Variants in PLCG2 observed in about 807,000 individuals in gnomAD.
PLCG2 encodes 1-phosphatidylinositol 4,5-bisphosphate phosphodiesterase gamma-2.
In PLCG2, 69 loss-of-function variants were observed where a neutral mutation model predicts 175.6. That is an observed-to-expected ratio of 0.39 (90% CI 0.32 to 0.48). PLCG2 has a LOEUF of 0.48. PLCG2 is among the 20% of genes least tolerant of loss of function. The pLI is 0.91. For missense variants in PLCG2, 1,798 were observed against 1,650.9 expected, an observed-to-expected ratio of 1.09 and a Z score of -1.54; for synonymous variants, 827 against 624.0, an observed-to-expected ratio of 1.33 and a Z score of -4.85.
intron 2 of PLCG2, among the ~76,000 whole-genome samples, chr16:81,802,756 G>A (rs1597326895): frequency 1.3e-5 from 2 of 151,624 alleles, no homozygotes; most frequent in South Asian, 4.2e-4. Context: ...TTTTTAGTAG[G>A]GACGGCATTT....
Position 81,879,665 on chromosome 16 carries a change from A to G in PLCG2, c.649-1245A>G, listed in dbSNP as rs982642987. On this transcript the variant is annotated intron_variant, in intron 7 of 32. Transcript: ENST00000564138. The stretch of plus-strand genomic sequence containing the variant: ...GCATTGATCATGTGATAGTGGATAC[A>G]TTTCCCTAAGTGCTTATCCAATCGC... 7.2e-5 allele frequency among the ~76,000 whole-genome samples: 11 copies of G among 152,284 alleles called. No homozygotes were observed. In the East Asian group the frequency reaches 2.1e-3, roughly 29 times the overall value.
chr16:81,792,385 G>A (rs1454521518), intron 2 of PLCG2, among the ~76,000 whole-genome samples: 3 of 145,866 alleles, frequency 2.1e-5, no homozygotes, highest in Non-Finnish European at 3.0e-5. Context: ...GGGAGGCTGA[G>A]GCACAGAATT....
intron 2 of PLCG2, among the ~76,000 whole-genome samples, chr16:81,771,061 A>ATAAATAAAT (rs1024986135): frequency 1.1e-5 from 1 of 89,782 alleles, no homozygotes. Flanking sequence ...CCATCTCAAA[A>ATAAATAAAT]AAAAAAAAAA....
intron 23 of PLCG2, among the ~76,000 whole-genome samples, chr16:81,927,703 G>T (rs532175160): frequency 1.6e-4 from 25 of 152,260 alleles, no homozygotes; most frequent in Middle Eastern, 3.4e-3. Flanking sequence ...TTAAGATCCC[G>T]TTAGACCCCC....
rs1143690 is a variant in PLCG2, at chr16:81,936,242, C to T, written c.2916C>T (p.Val972=). 10,013 of 1,614,092 alleles carry T rather than the reference C, an allele frequency of 6.2e-3. 462 individuals are homozygous for T. The African/African-American group carries it at 0.11, about 18-fold the overall frequency. ...KADSIIRQKP[V]DLLKYNQKGL... ...ACAGCATCATCAGACAGAAGCCCGT[C>T]GACCTCCTGAAGTACAATCAAAAGG... Residue 972 remains valine (V), a synonymous_variant, in exon 27 of 33, where the codon GTC becomes GTT. Coordinates refer to ENST00000564138, the MANE Select transcript of PLCG2 (RefSeq NM_002661.5).
chr16:81,782,192 A>C (rs1910766938), intron 1 of PLCG2, among the ~76,000 whole-genome samples: 1 of 151,880 alleles, frequency 6.6e-6, no homozygotes, highest in Non-Finnish European at 1.5e-5. Context: ...ATGCCTTTCT[A>C]AATAAGCTTA....
At chr16:81,903,487 T>C (rs1429133535) in intron 14 of PLCG2, among the ~76,000 whole-genome samples, 1 of 152,222 alleles carries the variant, frequency 6.6e-6, no homozygotes, top group African/African-American at 2.4e-5. Context: ...GGAGATCAGC[T>C]GTCATTGTCT....
At chr16:81,779,190 G>A (rs548851651), upstream of PLCG2, 42 of 152,230 alleles carry the variant, frequency 2.8e-4, 1 homozygote, top group African/African-American at 1.0e-3. Flanking sequence ...CCGAGAGGCG[G>A]ACCCGGCTGG....
chr16:81,867,942 G>A (rs1292168608), intron 5 of PLCG2, among the ~76,000 whole-genome samples: 7 of 152,020 alleles, frequency 4.6e-5, no homozygotes, highest in South Asian at 2.1e-4. Flanking sequence ...CTCGTGATCC[G>A]CCCGCCTCAG....
chr16:81,846,823 A>G (rs534743540), intron 2 of PLCG2, among the ~76,000 whole-genome samples: 1 of 152,316 alleles, frequency 6.6e-6, no homozygotes, highest in East Asian at 1.9e-4. Flanking sequence ...AGGAAAAATC[A>G]AGGTGTGTTT....
intron 2 of PLCG2, among the ~76,000 whole-genome samples, chr16:81,849,822 A>T (rs1906316054): frequency 6.6e-6 from 1 of 151,650 alleles, no homozygotes; most frequent in Non-Finnish European, 1.5e-5. Flanking sequence ...TCTTGAAGAC[A>T]TTTTACTGGG....
intron 31 of PLCG2, among the ~76,000 whole-genome samples, chr16:81,954,100 G>A (rs1201178046): frequency 6.6e-6 from 1 of 152,062 alleles, no homozygotes; most frequent in Non-Finnish European, 1.5e-5. Flanking sequence ...GTGGCTCACT[G>A]CAGCCTTAAC....
intron 1 of PLCG2, among the ~76,000 whole-genome samples, chr16:81,752,853 G>A (rs1048628973): frequency 6.6e-6 from 1 of 152,240 alleles, no homozygotes; most frequent in Non-Finnish European, 1.5e-5. Flanking sequence ...AGCAGGGAGA[G>A]GACAGCTATG....
chr16:81,833,535 C>CT (rs34385270), intron 2 of PLCG2, among the ~76,000 whole-genome samples: 33,625 of 137,296 alleles, frequency 0.24, 4,999 homozygotes, highest in East Asian at 0.58. Flanking sequence ...TTAAAAAAAT[C>CT]TTTTTTTTTT....
chr16:81,896,610 A>G (rs1479211780), intron 13 of PLCG2, among the ~76,000 whole-genome samples: 2 of 152,056 alleles, frequency 1.3e-5, no homozygotes, highest in African/African-American at 4.8e-5. Context: ...CAAAAACCAA[A>G]AAAAAAGTGA....
intron 19 of PLCG2, among the ~76,000 whole-genome samples, chr16:81,914,099 G>T (rs1909741552): frequency 6.6e-6 from 1 of 152,202 alleles, no homozygotes; most frequent in South Asian, 2.1e-4. Context: ...GGTGTGTTCA[G>T]TCCGCTGCAC....
intron 31 of PLCG2, among the ~76,000 whole-genome samples, chr16:81,954,167 G>T (rs1201690850): frequency 1.3e-5 from 2 of 151,872 alleles, no homozygotes; most frequent in Non-Finnish European, 2.9e-5. Context: ...GGAGTACAGG[G>T]TATGCCACCA....
chr16:81,830,206 G>C (rs2143380326), intron 2 of PLCG2, among the ~76,000 whole-genome samples: 1 of 152,194 alleles, frequency 6.6e-6, no homozygotes, highest in East Asian at 1.9e-4. Context: ...TGTGGTCCCA[G>C]CTACTTAGGA....
intron 2 of PLCG2, among the ~76,000 whole-genome samples, chr16:81,773,436 C>G (rs1163005871): frequency 2.0e-5 from 3 of 152,140 alleles, no homozygotes; most frequent in East Asian, 1.9e-4. Context: ...GAAACTGAGG[C>G]TCAGAGACTA....
Sources: gnomAD v4.1 joint callset for allele counts (sites outside exome capture counted in the v4.1 genomes callset) on GRCh38, gnomAD v4.1.1 for gene constraint, MANE v1.5 for transcripts, NCBI Gene and HGNC (gene_info 2026-07-23, HGNC 2026-07-21) for gene names.